STPG2: variants seen among roughly 807,000 people sequenced by gnomAD.
The protein encoded by STPG2 is sperm tail PG-rich repeat containing 2.
STPG2 carries 56 observed loss-of-function variants against 54.2 expected under a neutral mutation model. The observed-to-expected ratio is 1.03, with a 90% confidence interval of 0.83 to 1.29. STPG2 has a LOEUF of 1.29. Among genes scored for constraint, STPG2 ranks in the 50% most tolerant of loss-of-function variants. The probability of loss-of-function intolerance (pLI) is 0.00; values close to 1 mark genes in which losing one functional copy is unlikely to be tolerated. For missense variants in STPG2, 596 were observed against 544.9 expected, an observed-to-expected ratio of 1.09 and a Z score of -0.93; for synonymous variants, 200 against 181.8, an observed-to-expected ratio of 1.10 and a Z score of -0.81.
intron 9 of STPG2, among the ~76,000 whole-genome samples, chr4:97,791,385 C>T (rs996487085): frequency 1.6e-4 from 24 of 152,180 alleles, no homozygotes; most frequent in Admixed American, 1.4e-3. Context: ...AAAATTGCTA[C>T]GAGTATGACT....
intron 5 of STPG2, among the ~76,000 whole-genome samples, chr4:98,048,085 A>G (rs1413621249): frequency 7.8e-6 from 1 of 128,696 alleles, no homozygotes; most frequent in Non-Finnish European, 1.7e-5. Flanking sequence ...GCTAGGGACA[A>G]AAGTATGGTT....
At chr4:97,629,270 T>C (rs1721171473) in intron 10 of STPG2, among the ~76,000 whole-genome samples, 1 of 152,018 alleles carries the variant, frequency 6.6e-6, no homozygotes, top group African/African-American at 2.4e-5. Flanking sequence ...CAAACTACTT[T>C]ATGAAGGTAG....
intron 10 of STPG2, among the ~76,000 whole-genome samples, chr4:97,630,823 G>T (rs1721250243): frequency 6.6e-6 from 1 of 151,306 alleles, no homozygotes; most frequent in South Asian, 2.1e-4. Context: ...ATACAACAAA[G>T]AATAATATTA....
chr4:98,141,281 T>C (rs778437030), intron 1 of STPG2, among the ~76,000 whole-genome samples: 14 of 152,304 alleles, frequency 9.2e-5, no homozygotes, highest in African/African-American at 2.6e-4. Context: ...AAGTCTCTTG[T>C]GGGAAAAATC....
chr4:97,982,362 C>T (rs1734709250), intron 5 of STPG2, among the ~76,000 whole-genome samples: 1 of 142,024 alleles, frequency 7.0e-6, no homozygotes, highest in Admixed American at 7.5e-5. Context: ...TTCTCTTCCT[C>T]TGTCTCTCTT....
intron 5 of STPG2, among the ~76,000 whole-genome samples, chr4:98,050,776 C>T (rs1024552146): frequency 5.9e-5 from 9 of 152,112 alleles, no homozygotes; most frequent in South Asian, 2.1e-4. Context: ...GAGGTTGAGG[C>T]GGGTGGATCA....
chr4:97,570,478 A>G (rs1459448273), intron 10 of STPG2, among the ~76,000 whole-genome samples: 1 of 152,248 alleles, frequency 6.6e-6, no homozygotes, highest in South Asian at 2.1e-4. Context: ...TTTGCCTAAA[A>G]GCAGGCCAAA....
chr4:97,976,595 G>C (rs1734506929), intron 6 of STPG2, among the ~76,000 whole-genome samples: 2 of 152,140 alleles, frequency 1.3e-5, no homozygotes, highest in African/African-American at 4.8e-5. Context: ...GTGCCTTATA[G>C]TAGTAACTTG....
At chr4:97,487,201 A>C (rs548997154) in intron 4 of STPG2, among the ~76,000 whole-genome samples, 19 of 150,598 alleles carry the variant, frequency 1.3e-4, no homozygotes, top group Non-Finnish European at 1.8e-4. Context: ...AACCTATGGA[A>C]AAAAAAAACC....
intron 10 of STPG2, among the ~76,000 whole-genome samples, chr4:97,588,275 C>T (rs1733050107): frequency 6.6e-6 from 1 of 151,844 alleles, no homozygotes; most frequent in Non-Finnish European, 1.5e-5. Flanking sequence ...AAATTAACTA[C>T]TCTGTACAGG....
intron 4 of STPG2, among the ~76,000 whole-genome samples, chr4:97,464,146 G>T (rs528893275): frequency 6.6e-6 from 1 of 152,230 alleles, no homozygotes; most frequent in East Asian, 1.9e-4. Flanking sequence ...ACAATCATTG[G>T]ATTGTACAGT....
At position 97,840,763 on chromosome 4, in the gene STPG2, C is replaced by G. The variant is rs137874800; in HGVS notation, c.1204+10G>C. On this transcript the variant is annotated intron_variant, in intron 9 of 10. Transcript: ENST00000295268. ...TTTCCTCATAGCTTTATAAGGACTT[C>G]TAGACTTACCTGGCCCATCAGTCAC... The G allele has an allele frequency of 2.7e-4, 430 of 1,607,538 alleles. 1 individual carries two copies. In the African/African-American group the frequency reaches 5.0e-3, roughly 19 times the overall value.
chr4:97,929,586 G>T (rs1310230196), intron 8 of STPG2, among the ~76,000 whole-genome samples: 4 of 152,036 alleles, frequency 2.6e-5, no homozygotes, highest in Non-Finnish European at 2.9e-5. Flanking sequence ...GTGTCAGATG[G>T]TATCTCAGTA....
intron 8 of STPG2, among the ~76,000 whole-genome samples, chr4:97,878,721 T>C (rs1002700915): frequency 1.3e-5 from 2 of 152,198 alleles, no homozygotes; most frequent in East Asian, 1.9e-4. Context: ...ACCTCTGACA[T>C]GCCCTGAAGA....
At position 97,737,062 on chromosome 4, in the gene STPG2, CT is replaced by C. The variant is rs1725027897; in HGVS notation, c.1205-24249del. The stretch of plus-strand genomic sequence containing the variant: ...AGCATTCGCGGTTCACAAAAATACG[CT>C]GTTCTGCAGCCACCGCTGCTGGAAC... On this transcript the variant is annotated intron_variant, in intron 9 of 10. Coordinates refer to ENST00000295268, the MANE Select transcript of STPG2 (RefSeq NM_174952.3). Among the ~76,000 whole-genome samples the C allele has an allele frequency of 2.0e-5, 3 of 152,192 alleles. No individual in the cohort carries two copies. In the South Asian group the frequency reaches 6.2e-4, roughly 31 times the overall value.
At chr4:97,934,963 TTGTC>T (rs1017276831) in intron 8 of STPG2, among the ~76,000 whole-genome samples, 16 of 152,196 alleles carry the variant, frequency 1.1e-4, no homozygotes, top group Non-Finnish European at 1.8e-4. Flanking sequence ...CTAGTAGAAT[TTGTC>T]TGTGAATTCA....
At chr4:98,095,527 A>T (rs913815595) in intron 5 of STPG2, among the ~76,000 whole-genome samples, 9 of 152,232 alleles carry the variant, frequency 5.9e-5, no homozygotes, top group African/African-American at 1.7e-4. Flanking sequence ...CTATACTTAC[A>T]TCAGTCAACA....
intron 5 of STPG2, among the ~76,000 whole-genome samples, chr4:98,073,030 G>T (rs1013275397): frequency 6.6e-6 from 1 of 152,166 alleles, no homozygotes; most frequent in African/African-American, 2.4e-5. Context: ...TGGTTAAAAT[G>T]CCTGAAAAAC....
At chr4:98,120,348 G>A (rs1739643809) in intron 3 of STPG2, among the ~76,000 whole-genome samples, 1 of 152,016 alleles carries the variant, frequency 6.6e-6, no homozygotes, top group Non-Finnish European at 1.5e-5. Flanking sequence ...CAAAGTGCAG[G>A]GATTACAGGC....
Sources: allele counts gnomAD v4.1 joint callset (sites outside exome capture counted in the v4.1 genomes callset), GRCh38; gene constraint gnomAD v4.1.1; transcripts MANE v1.5; gene names NCBI Gene and HGNC (gene_info 2026-07-23, HGNC 2026-07-21).